DOK6: variants seen among roughly 807,000 people sequenced by gnomAD.
DOK6 encodes the protein downstream of tyrosine kinase 6.
A neutral mutation model predicts 44.0 loss-of-function variants in DOK6; 22 were observed. The observed-to-expected ratio is 0.50, with a 90% CI of 0.36 to 0.71. The LOEUF (loss-of-function observed/expected upper bound fraction) is 0.71. DOK6 is among the 30% of genes least tolerant of loss of function. The probability of loss-of-function intolerance (pLI) is 0.00; values close to 1 mark genes in which losing one functional copy is unlikely to be tolerated. For synonymous variants in DOK6, 166 were observed against 145.5 expected (o/e 1.14, Z -1.01); for missense variants, 340 against 416.4 (o/e 0.82, Z 1.60).
At chr18:69,404,748 A>G (rs1568246539) in intron 1 of DOK6, among the ~76,000 whole-genome samples, 1 of 151,664 alleles carries the variant, frequency 6.6e-6, no homozygotes, top group Non-Finnish European at 1.5e-5. Flanking sequence ...ATTGGTGTTG[A>G]TATGTGTGGG....
intron 3 of DOK6, among the ~76,000 whole-genome samples, chr18:69,670,465 G>T (rs59133480): frequency 0.055 from 8,333 of 151,374 alleles, 549 homozygotes; most frequent in African/African-American, 0.15. Flanking sequence ...AAAGTTGTCT[G>T]CTTGATTATT....
At chr18:69,493,478 A>G (rs1473171775) in intron 1 of DOK6, among the ~76,000 whole-genome samples, 1 of 151,798 alleles carries the variant, frequency 6.6e-6, no homozygotes, top group South Asian at 2.1e-4. Flanking sequence ...GCTAAATCAC[A>G]AACTCTGGGA....
intron 1 of DOK6, among the ~76,000 whole-genome samples, chr18:69,546,296 A>C (rs888049771): frequency 6.6e-6 from 1 of 151,032 alleles, no homozygotes; most frequent in South Asian, 2.1e-4. Context: ...AAAAAAGTGT[A>C]AACTAAAATT....
chr18:69,576,774 T>C (rs1183194337), intron 2 of DOK6, among the ~76,000 whole-genome samples: 2 of 152,184 alleles, frequency 1.3e-5, no homozygotes, highest in African/African-American at 4.8e-5. Context: ...ATAACAGATA[T>C]TGAAAACAAA....
chr18:69,763,252 C>T (rs952886440), intron 7 of DOK6, among the ~76,000 whole-genome samples: 2 of 152,186 alleles, frequency 1.3e-5, no homozygotes, highest in African/African-American at 4.8e-5. Flanking sequence ...GTTATGCCAC[C>T]TCTTCTTGCA....
At chr18:69,805,048 T>C (rs1981014526) in intron 7 of DOK6, among the ~76,000 whole-genome samples, 1 of 152,182 alleles carries the variant, frequency 6.6e-6, no homozygotes, top group Non-Finnish European at 1.5e-5. Flanking sequence ...CCCAGCAAGC[T>C]ACACTTAAAA....
At chr18:69,717,606 A>G (rs960226745) in intron 5 of DOK6, among the ~76,000 whole-genome samples, 8 of 152,160 alleles carry the variant, frequency 5.3e-5, no homozygotes, top group Non-Finnish European at 1.0e-4. Context: ...TCACAGGCAG[A>G]GAGAGAGGGA....
At chr18:69,745,740 A>G (rs369418086) in intron 6 of DOK6, among the ~76,000 whole-genome samples, 10 of 152,334 alleles carry the variant, frequency 6.6e-5, no homozygotes, top group East Asian at 3.9e-4. Flanking sequence ...GTGAAGCACA[A>G]TGATATCATA....
chr18:69,617,433 A>G (rs1346546166), intron 3 of DOK6, among the ~76,000 whole-genome samples: 1 of 149,696 alleles, frequency 6.7e-6, no homozygotes, highest in African/African-American at 2.5e-5. Context: ...AAAGAAAGAA[A>G]GAGGGAGGGA....
chr18:69,775,050 G>T (rs1045777118), intron 7 of DOK6, among the ~76,000 whole-genome samples: 9 of 151,888 alleles, frequency 5.9e-5, no homozygotes, highest in African/African-American at 1.9e-4. Flanking sequence ...AGGAAGTGAT[G>T]AAATGAAATC....
intron 1 of DOK6, among the ~76,000 whole-genome samples, chr18:69,562,266 A>G (rs1488042992): frequency 6.6e-6 from 1 of 152,176 alleles, no homozygotes; most frequent in Non-Finnish European, 1.5e-5. Context: ...GTGTCAGTGT[A>G]ATTAGTAGTC....
intron 1 of DOK6, among the ~76,000 whole-genome samples, chr18:69,531,278 T>TA (rs1981979094): frequency 6.9e-6 from 1 of 145,668 alleles, no homozygotes; most frequent in Non-Finnish European, 1.5e-5. Context: ...ATATAATATA[T>TA]TATATGTTAT....
intron 1 of DOK6, among the ~76,000 whole-genome samples, chr18:69,410,652 G>A (rs958087380): frequency 2.6e-5 from 4 of 152,120 alleles, no homozygotes; most frequent in Non-Finnish European, 5.9e-5. Flanking sequence ...TCCTTTCTGA[G>A]GACTTTCCAG....
chr18:69,444,432 A>G (rs551465858), intron 1 of DOK6, among the ~76,000 whole-genome samples: 6 of 151,850 alleles, frequency 4.0e-5, no homozygotes, highest in African/African-American at 1.4e-4. Context: ...TTGTTCTCCA[A>G]GAATGCATTT....
chr18:69,713,546 T>G (rs1160271520), intron 5 of DOK6, among the ~76,000 whole-genome samples: 1 of 152,192 alleles, frequency 6.6e-6, no homozygotes, highest in Non-Finnish European at 1.5e-5. Flanking sequence ...TCAGGACCCC[T>G]CTGTTAAAGG....
chr18:69,564,270 G>A (rs555913197), intron 1 of DOK6, among the ~76,000 whole-genome samples: 26 of 152,166 alleles, frequency 1.7e-4, no homozygotes, highest in African/African-American at 5.5e-4. Flanking sequence ...AAATCAGCCA[G>A]TACAGTGAAA....
At chr18:69,509,620 A>AGAG (rs1981303154) in intron 1 of DOK6, among the ~76,000 whole-genome samples, 1 of 137,560 alleles carries the variant, frequency 7.3e-6, no homozygotes, top group Admixed American at 7.9e-5. Flanking sequence ...CCTGGGCAAC[A>AGAG]GAGCTAGGCT....
At chr18:69,570,650 G>C (rs1217533744) in intron 2 of DOK6, among the ~76,000 whole-genome samples, 1 of 152,062 alleles carries the variant, frequency 6.6e-6, no homozygotes. Context: ...TTTCATAAAA[G>C]AGAAAGAAAA....
chr18:69,706,499 T>C (rs1452248330), intron 5 of DOK6, among the ~76,000 whole-genome samples: 7 of 152,068 alleles, frequency 4.6e-5, no homozygotes, highest in Admixed American at 4.6e-4. Flanking sequence ...CATTTGTCCA[T>C]ACAATCAAGA....
Sources: allele counts gnomAD v4.1 joint callset (sites outside exome capture counted in the v4.1 genomes callset), GRCh38; gene constraint gnomAD v4.1.1; transcripts MANE v1.5; gene names NCBI Gene and HGNC (gene_info 2026-07-23, HGNC 2026-07-21).